Variants in GABRP observed in about 807,000 individuals in gnomAD.
GABRP encodes the protein gamma-aminobutyric acid receptor subunit pi.
Under a neutral mutation model 47.8 loss-of-function variants are expected in GABRP, and 52 were observed. The ratio of observed to expected loss-of-function variants is 1.09; its 90% CI spans 0.87 to 1.37. GABRP has a LOEUF of 1.37. GABRP is among the 40% of genes most tolerant of loss of function. GABRP has a pLI of 0.00. For missense variants in GABRP, 525 were observed against 542.8 expected (o/e 0.97, Z 0.33); for synonymous variants, 221 against 205.8 (o/e 1.07, Z -0.63).
intron 6 of GABRP, 96 bp from the exon 7 acceptor site, chr5:170,805,620 G>A: frequency 7.4e-7 from 1 of 1,356,376 alleles, no homozygotes; most frequent in Non-Finnish European, 1.0e-6. Context: ...TATGAAGAAA[G>A]AACTCATGCT....
chr5:170,794,375 CAAAA>C (rs34296291), intron 4 of GABRP, 77 bp downstream of exon 4: 7,663 of 257,050 alleles, frequency 0.03, 1 homozygote, highest in South Asian at 0.04. Context: ...TCTAGCCGCT[CAAAA>C]AAAAAAAAAA....
Position 170,809,553 on chromosome 5 carries a change from T to C in GABRP, c.833-15T>C, listed in dbSNP as rs916198139. Reference sequence around the variant, plus strand: ...CCAGTCACTTTGTAGGAACATCCCCTGCCTGTTTTCCCAGGAGTGACGACC... The same window carrying C: ...CCAGTCACTTTGTAGGAACATCCCCCGCCTGTTTTCCCAGGAGTGACGACC... On this transcript the variant is annotated splice_polypyrimidine_tract_variant and intron_variant, in intron 8 of 9. Transcript: ENST00000265294. The C allele has an allele frequency of 2.5e-6, 4 of 1,612,824 alleles. No homozygotes were observed. The highest frequency in any genetic ancestry group is 2.7e-5 in the African/African-American group (2 of 74,898).
chr5:170,810,100 T>C (rs1431239142), intron 9 of GABRP: 2 of 544,866 alleles, frequency 3.7e-6, no homozygotes. Context: ...TTAATATATA[T>C]TTACTATTTA....
intron 6 of GABRP, among the ~76,000 whole-genome samples, chr5:170,798,774 CT>C (rs1193178919): frequency 1.3e-5 from 2 of 148,312 alleles, no homozygotes; most frequent in African/African-American, 5.3e-5. Context: ...TATTTTATTT[CT>C]TTTTTCATTT....
intron 3 of GABRP, among the ~76,000 whole-genome samples, chr5:170,789,748 T>A (rs1477050846): frequency 3.3e-5 from 5 of 152,118 alleles, no homozygotes; most frequent in Non-Finnish European, 7.4e-5. Context: ...GCCATTCTCA[T>A]CCACCCAAGT....
At chr5:170,783,257 T>A (rs1765051055), upstream of GABRP, among the ~76,000 whole-genome samples, 1 of 152,150 alleles carries the variant, frequency 6.6e-6, no homozygotes, top group South Asian at 2.1e-4. Context: ...TCTTTTAACA[T>A]AGAATAGGCC....
chr5:170,784,179 C>T (rs1195170019), intron 1 of GABRP, among the ~76,000 whole-genome samples: 1 of 152,192 alleles, frequency 6.6e-6, no homozygotes, highest in African/African-American at 2.4e-5. Context: ...TAATGCCTTT[C>T]CTCACCTTAA....
chr5:170,784,636 G>A (rs1380997211), intron 1 of GABRP, among the ~76,000 whole-genome samples: 1 of 152,186 alleles, frequency 6.6e-6, no homozygotes, highest in Non-Finnish European at 1.5e-5. Flanking sequence ...GAAATAGAAA[G>A]AGCTTGAGAT....
chr5:170,787,147 A>G (rs1765149705), intron 1 of GABRP, among the ~76,000 whole-genome samples: 1 of 152,218 alleles, frequency 6.6e-6, no homozygotes. Context: ...CATCATTGGG[A>G]CTTATACTTT....
chr5:170,786,964 G>A (rs1350342603), intron 1 of GABRP, among the ~76,000 whole-genome samples: 1 of 152,020 alleles, frequency 6.6e-6, no homozygotes, highest in Non-Finnish European at 1.5e-5. Flanking sequence ...CAAAAGAGAA[G>A]AAATGGGGGG....
chr5:170,807,551 G>C (rs1298859934), intron 7 of GABRP, among the ~76,000 whole-genome samples: 1 of 152,154 alleles, frequency 6.6e-6, no homozygotes, highest in Non-Finnish European at 1.5e-5. Context: ...AAAGCAGGCA[G>C]TGTAGACTGA....
chr5:170,794,382 A>C, intron 4 of GABRP, 84 bp downstream of exon 4: 1 of 734,430 alleles, frequency 1.4e-6, no homozygotes. Context: ...GCTCAAAAAA[A>C]AAAAAAAAAA....
chr5:170,788,994 T>C (rs1765195024), intron 2 of GABRP, 135 bp from the exon 3 acceptor site: 1 of 718,706 alleles, frequency 1.4e-6, no homozygotes, highest in Admixed American at 2.3e-5. Context: ...GATTTTTCTG[T>C]AGGAATGTCA....
chr5:170,784,827 A>G (rs1317167252), intron 1 of GABRP, among the ~76,000 whole-genome samples: 2 of 152,252 alleles, frequency 1.3e-5, no homozygotes, highest in Non-Finnish European at 2.9e-5. Context: ...GGTCTCCTCT[A>G]CAAGTGGAGG....
At chr5:170,793,545 G>A (rs1765336444) in intron 3 of GABRP, among the ~76,000 whole-genome samples, 1 of 152,162 alleles carries the variant, frequency 6.6e-6, no homozygotes, top group African/African-American at 2.4e-5. Flanking sequence ...AGTATCAGGA[G>A]GTCAGCAAAA....
intron 8 of GABRP, 110 bp from the exon 9 acceptor site, chr5:170,809,458 T>C: frequency 1.0e-6 from 1 of 1,001,346 alleles, no homozygotes; most frequent in Non-Finnish European, 1.5e-6. Flanking sequence ...TGCATTCCAT[T>C]TCTGGGTCTT....
chr5:170,785,409 G>A lies in GABRP; in HGVS notation c.-43+1535G>A, dbSNP rs114303159. ...ACACCTTCTGGGCCAGCAGCCATGA[G>A]AATTAAATGAAATTAAGCACCAGAC... is the stretch of plus-strand genomic sequence containing the variant. On this transcript the variant is annotated intron_variant, in intron 1 of 9. Coordinates refer to ENST00000265294, the MANE Select transcript of GABRP (RefSeq NM_014211.3). 5.0e-3 allele frequency among the ~76,000 whole-genome samples: 759 copies of A among 152,324 alleles called. 8 individuals carry two copies. The highest frequency in any genetic ancestry group is 0.017 in the African/African-American group (696 of 41,558).
intron 1 of GABRP, among the ~76,000 whole-genome samples, chr5:170,787,129 T>C (rs1368396307): frequency 6.6e-6 from 1 of 152,230 alleles, no homozygotes; most frequent in Non-Finnish European, 1.5e-5. Context: ...GATGAATCCA[T>C]ATTGACACAT....
chr5:170,808,889 A>T, intron 8 of GABRP, 137 bp downstream of exon 8: 1 of 717,388 alleles, frequency 1.4e-6, no homozygotes, highest in Non-Finnish European at 2.2e-6. Context: ...TTACAGAGAA[A>T]GAAAGAGAGA....
Sources: allele counts gnomAD v4.1 joint callset (sites outside exome capture counted in the v4.1 genomes callset), GRCh38; gene constraint gnomAD v4.1.1; transcripts MANE v1.5; gene names NCBI Gene and HGNC (gene_info 2026-07-23, HGNC 2026-07-21).